Variants in TMCO4 observed in about 807,000 individuals in gnomAD.
The protein encoded by TMCO4 is transmembrane and coiled-coil domains 4, also known as transmembrane and coiled-coil domain-containing protein 4.
TMCO4 carries 58 observed loss-of-function variants against 64.7 expected under a neutral mutation model. The observed-to-expected ratio is 0.90, with a 90% CI of 0.73 to 1.12. The LOEUF (loss-of-function observed/expected upper bound fraction) is 1.12, where lower values mean the gene tolerates loss of function less well. TMCO4 is among the 50% of genes most tolerant of loss of function. The pLI, the probability that TMCO4 is intolerant of heterozygous loss-of-function variation, is 0.00. For synonymous variants in TMCO4, 325 were observed against 346.1 expected, an observed-to-expected ratio of 0.94 and a Z score of 0.68; for missense variants, 780 against 825.9, an observed-to-expected ratio of 0.94 and a Z score of 0.68.
intron 6 of TMCO4, among the ~76,000 whole-genome samples, chr1:19,764,819 C>T (rs2042659092): frequency 8.1e-6 from 1 of 124,094 alleles, no homozygotes; most frequent in South Asian, 2.7e-4. Context: ...TGCGCCATTG[C>T]ACTCAAGAGT....
At chr1:19,772,244 G>A (rs771458477) in intron 4 of TMCO4, among the ~76,000 whole-genome samples, 6 of 152,170 alleles carry the variant, frequency 3.9e-5, no homozygotes, top group Non-Finnish European at 5.9e-5. Context: ...CAGAAGTGAC[G>A]GCAGCCACCA....
At chr1:19,694,723 T>A (rs548672102) in intron 14 of TMCO4, among the ~76,000 whole-genome samples, 172 bp from the exon 15 acceptor site, 2 of 152,310 alleles carry the variant, frequency 1.3e-5, no homozygotes, top group East Asian at 3.9e-4. Context: ...CAGCTGATGC[T>A]TTTGGAGCCT....
chr1:19,719,020 C>G (rs915254108), intron 13 of TMCO4, among the ~76,000 whole-genome samples: 9 of 152,120 alleles, frequency 5.9e-5, no homozygotes, highest in Non-Finnish European at 1.2e-4. Flanking sequence ...TTCCAAGTAC[C>G]CCGGTACTCA....
intron 3 of TMCO4, among the ~76,000 whole-genome samples, chr1:19,784,001 C>A (rs910714662): frequency 6.6e-6 from 1 of 152,222 alleles, no homozygotes; most frequent in Non-Finnish European, 1.5e-5. Context: ...AAGGGCAGCA[C>A]TAGCCTGATG....
intron 13 of TMCO4, among the ~76,000 whole-genome samples, chr1:19,712,428 G>A (rs570986179): frequency 9.4e-4 from 143 of 152,150 alleles, no homozygotes; most frequent in African/African-American, 3.2e-3. Context: ...AGACCAGCCT[G>A]GCCAACATGG....
chr1:19,748,657 T>C (rs2041893520), intron 7 of TMCO4, among the ~76,000 whole-genome samples: 2 of 152,086 alleles, frequency 1.3e-5, no homozygotes, highest in African/African-American at 4.8e-5. Context: ...AAACCCCATC[T>C]CTACTAAAAA....
chr1:19,764,242 C>T (rs2042631788), intron 6 of TMCO4, among the ~76,000 whole-genome samples: 1 of 152,130 alleles, frequency 6.6e-6, no homozygotes, highest in African/African-American at 2.4e-5. Flanking sequence ...ACTCAGGAGC[C>T]CCGGGGCCTG....
rs916926330 is a variant in TMCO4, at chr1:19,743,387, C to T, written c.877+2145G>A. 7.2e-5 allele frequency among the ~76,000 whole-genome samples: 11 copies of T among 152,106 alleles called. No individual in the cohort carries two copies. Among genetic ancestry groups the T allele is most frequent in the African/African-American group, 2.7e-4 (11 of 41,426 alleles). ...ATAAAGGGGTGGTCCAAAGAAAGTC[C>T]GGTCATTCCTATCACATGGAAAAAG... On this transcript the variant is annotated intron_variant, in intron 10 of 15. Transcript: ENST00000294543. This position sits in a 1 kb window ranked among gnomAD's most constrained non-coding sequence, Gnocchi z 4.1.
intron 10 of TMCO4, 194 bp downstream of exon 10, chr1:19,745,338 A>G: frequency 2.4e-6 from 2 of 819,672 alleles, no homozygotes. Flanking sequence ...GTAGGTGGAT[A>G]GATGGATGGC....
Position 19,740,810 on chromosome 1 carries a change from C to T in TMCO4, c.1009G>A (p.Ala337Thr), listed in dbSNP as rs781771981. Residue 337 changes from alanine (A) to threonine (T), a missense_variant, in exon 11 of 16, where the codon GCC (alanine) becomes ACC (threonine). Ala to Thr is a moderately conservative substitution (Grantham distance 58). Transcript: ENST00000294543. ...ACTGTGTACTTTAGGGCCTCCTGGG[C>T]CACCATGTTGGCGAGACCACTGAGG... ...TILSGLANMV[A>T]QEALKYTVLS... The T allele has an allele frequency of 2.5e-6, 4 of 1,613,618 alleles. No individual in the cohort carries two copies. Among genetic ancestry groups the T allele is most frequent in the Non-Finnish European group, 3.4e-6 (4 of 1,179,766 alleles).
At chr1:19,784,802 GCCACACATGAAATACA>G (rs2043652046) in intron 3 of TMCO4, among the ~76,000 whole-genome samples, 1 of 136,480 alleles carries the variant, frequency 7.3e-6, no homozygotes. Flanking sequence ...ATTGGTTTGG[GCCACACATGAAATACA>G]CTAACATTAA....
rs1200421786 is a variant in TMCO4, at chr1:19,701,851, T to TG, written c.1265-967dup. On this transcript the variant is annotated intron_variant, in intron 13 of 15. Transcript: ENST00000294543. The stretch of plus-strand genomic sequence containing the variant: ...GGGCTATTCAAAGTGCAGTCTGGGC[T>TG]GGGGGCGGTGGTTCACCTAGTGTTG... Among the ~76,000 whole-genome samples, 87 of 152,212 alleles carry TG rather than the reference T, an allele frequency of 5.7e-4. 1 individual carries two copies. The South Asian group carries it at 0.018, about 31-fold the overall frequency.
At chr1:19,727,433 T>C (rs2095413498) in intron 13 of TMCO4, among the ~76,000 whole-genome samples, 1 of 152,148 alleles carries the variant, frequency 6.6e-6, no homozygotes, top group African/African-American at 2.4e-5. Flanking sequence ...TTTGGAAGGG[T>C]AGTTTCTTCA....
chr1:19,771,785 T>A (rs1437738425), intron 4 of TMCO4, among the ~76,000 whole-genome samples: 1 of 152,112 alleles, frequency 6.6e-6, no homozygotes, highest in East Asian at 1.9e-4. Flanking sequence ...GCCTCCCGAG[T>A]AGCTGGGACT....
rs761717218 is a variant in TMCO4, at chr1:19,771,526, C to T, written c.180-44G>A. 4 of 1,595,446 alleles carry T rather than the reference C, an allele frequency of 2.5e-6. No individual in the cohort carries two copies. The African/African-American group carries it at 5.4e-5, about 21-fold the overall frequency. On this transcript the variant is annotated intron_variant, in intron 4 of 15. Coordinates refer to ENST00000294543, the MANE Select transcript of TMCO4 (RefSeq NM_181719.7). ...TTAGTTCTCCAGGATCCTCAGAGCT[C>T]AGCCTCCACTGGGCAGTGTAGATTA... is the stretch of plus-strand genomic sequence containing the variant.
intron 3 of TMCO4, among the ~76,000 whole-genome samples, chr1:19,786,786 TA>T (rs1478170861): frequency 6.6e-6 from 1 of 152,202 alleles, no homozygotes; most frequent in Non-Finnish European, 1.5e-5. Context: ...TAAAGAATTT[TA>T]AAAACCTTTT....
intron 4 of TMCO4, among the ~76,000 whole-genome samples, chr1:19,774,928 G>A (rs1340387410): frequency 6.6e-6 from 1 of 152,186 alleles, no homozygotes; most frequent in Non-Finnish European, 1.5e-5. Context: ...ACCAGCTGCA[G>A]AGGTTACCCC....
intron 13 of TMCO4, among the ~76,000 whole-genome samples, chr1:19,714,050 C>T (rs2095344269): frequency 6.6e-6 from 1 of 152,142 alleles, no homozygotes. Context: ...GACTCTTGTG[C>T]CTCAGCCTCC....
intron 6 of TMCO4, among the ~76,000 whole-genome samples, chr1:19,765,684 G>A (rs1229556600): frequency 6.6e-6 from 1 of 151,998 alleles, no homozygotes; most frequent in African/African-American, 2.4e-5. Context: ...AAAGCGCTTC[G>A]TGGGTTGCTA....
Sources: gnomAD v4.1 joint callset for allele counts (sites outside exome capture counted in the v4.1 genomes callset) on GRCh38, gnomAD v4.1.1 for gene constraint, Gnocchi (gnomAD v3.1) non-coding constraint, MANE v1.5 for transcripts, NCBI Gene and HGNC (gene_info 2026-07-23, HGNC 2026-07-21) for gene names.